The following CNTNAP5 variants were observed in gnomAD, a reference collection of about 807,000 sequenced individuals.
CNTNAP5 encodes contactin associated protein family member 5.
Under a neutral mutation model 150.2 loss-of-function variants are expected in CNTNAP5, and 72 were observed. That is an observed-to-expected ratio of 0.48 (90% CI 0.40 to 0.58). The LOEUF (loss-of-function observed/expected upper bound fraction) is 0.58, where lower values mean the gene tolerates loss of function less well. Among genes scored for constraint, CNTNAP5 ranks in the 20% least tolerant of loss-of-function variants. The pLI is 0.00. For synonymous variants in CNTNAP5, 672 were observed against 619.8 expected (o/e 1.08, Z -1.25); for missense variants, 1,636 against 1,626.2 (o/e 1.01, Z -0.10).
intron 3 of CNTNAP5, among the ~76,000 whole-genome samples, chr2:124,388,724 C>T (rs780004): frequency 0.83 from 126,032 of 151,976 alleles, 52,751 homozygotes; most frequent in East Asian, 0.9. Flanking sequence ...AGATGGAGTC[C>T]TGCTCTGTCG....
intron 3 of CNTNAP5, among the ~76,000 whole-genome samples, chr2:124,359,425 T>C (rs1182619932): frequency 2.0e-5 from 3 of 152,180 alleles, no homozygotes; most frequent in Non-Finnish European, 4.4e-5. Flanking sequence ...CTTTCCTGCT[T>C]TCTCTTGTGG....
intron 1 of CNTNAP5, among the ~76,000 whole-genome samples, chr2:124,197,159 A>C (rs1198640665): frequency 2.0e-5 from 3 of 152,218 alleles, no homozygotes; most frequent in Non-Finnish European, 4.4e-5. Context: ...ATACATATCT[A>C]TATGCCTATG....
chr2:124,220,778 A>T (rs767653403), intron 1 of CNTNAP5, among the ~76,000 whole-genome samples: 2 of 152,220 alleles, frequency 1.3e-5, no homozygotes, highest in South Asian at 4.1e-4. Context: ...TAAGCCAGTG[A>T]GGGTGGAGCC....
At position 124,416,670 on chromosome 2, in the gene CNTNAP5, C is replaced by A. The variant is rs569558251; in HGVS notation, c.382-773C>A. The stretch of plus-strand genomic sequence containing the variant: ...TTCCTTCCCTTTTTCTCTTTCTAGG[C>A]TTCTTTTTTTAAAAAATCTGTAAAA... On this transcript the variant is annotated intron_variant, in intron 3 of 23. Coordinates refer to ENST00000682447, the MANE Select transcript of CNTNAP5 (RefSeq NM_001367498.1). 2.0e-4 allele frequency among the ~76,000 whole-genome samples: 30 copies of A among 152,024 alleles called. 1 individual carries two copies. In the South Asian group the frequency reaches 6.2e-3, roughly 32 times the overall value.
At chr2:124,326,066 A>G (rs1689208742) in intron 3 of CNTNAP5, among the ~76,000 whole-genome samples, 2 of 152,234 alleles carry the variant, frequency 1.3e-5, no homozygotes, top group African/African-American at 4.8e-5. Context: ...AGTAATACAT[A>G]GGATTAAATG....
intron 1 of CNTNAP5, among the ~76,000 whole-genome samples, chr2:124,032,113 C>A (rs1195157229): frequency 1.3e-5 from 2 of 152,048 alleles, no homozygotes; most frequent in Non-Finnish European, 2.9e-5. Flanking sequence ...GAAAAATAAA[C>A]CTTTAGTCAT....
intron 2 of CNTNAP5, among the ~76,000 whole-genome samples, chr2:124,230,272 G>A (rs1034099604): frequency 6.6e-6 from 1 of 152,104 alleles, no homozygotes; most frequent in African/African-American, 2.4e-5. Flanking sequence ...GAGGAGATGA[G>A]GGTTGGAAGC....
At chr2:124,427,007 A>C (rs1692253896) in intron 4 of CNTNAP5, among the ~76,000 whole-genome samples, 1 of 152,226 alleles carries the variant, frequency 6.6e-6, no homozygotes, top group African/African-American at 2.4e-5. Flanking sequence ...CCAATGTATC[A>C]GCATCTTAAC....
In CNTNAP5 at chr2:124,088,463, T is replaced by C. The variant is rs1370658339; in HGVS notation, c.82+62731T>C. ...ATGTATGCATTTATTGTTTTTGTCA[T>C]ACTATTTAAGATCTTAGGTTCTTAA... On this transcript the variant is annotated intron_variant, in intron 1 of 23. Coordinates refer to ENST00000682447, the MANE Select transcript of CNTNAP5 (RefSeq NM_001367498.1). Among the ~76,000 whole-genome samples the C allele has an allele frequency of 2.0e-5, 3 of 152,208 alleles. 1 individual carries two copies. Among genetic ancestry groups the C allele is most frequent in the Non-Finnish European group, 4.4e-5 (3 of 68,030 alleles).
chr2:124,634,491 C>CGTGT (rs370767526), intron 12 of CNTNAP5, among the ~76,000 whole-genome samples: 4 of 151,238 alleles, frequency 2.6e-5, no homozygotes, highest in East Asian at 2.0e-4. Flanking sequence ...CAGGCACACA[C>CGTGT]GTGTGTGTGT....
At chr2:124,209,657 T>C (rs1421257522) in intron 1 of CNTNAP5, among the ~76,000 whole-genome samples, 1 of 152,138 alleles carries the variant, frequency 6.6e-6, no homozygotes, top group Non-Finnish European at 1.5e-5. Flanking sequence ...AGCAATTCTC[T>C]GTGGTCATCA....
chr2:124,313,051 T>C (rs1048089801), intron 3 of CNTNAP5, among the ~76,000 whole-genome samples: 2 of 152,190 alleles, frequency 1.3e-5, no homozygotes, highest in African/African-American at 2.4e-5. Context: ...AGGATTCAGC[T>C]CTGGGCTCTG....
At chr2:124,317,266 A>G (rs1027116764) in intron 3 of CNTNAP5, among the ~76,000 whole-genome samples, 1 of 152,204 alleles carries the variant, frequency 6.6e-6, no homozygotes, top group African/African-American at 2.4e-5. Flanking sequence ...TAACAGTAAT[A>G]ATTTTCAAAC....
At chr2:124,480,408 T>C (rs1693736637) in intron 7 of CNTNAP5, among the ~76,000 whole-genome samples, 1 of 152,196 alleles carries the variant, frequency 6.6e-6, no homozygotes. Context: ...TATTGGAGCA[T>C]GGTTGATTAT....
At chr2:124,645,820 A>G (rs1371098858) in intron 12 of CNTNAP5, among the ~76,000 whole-genome samples, 1 of 152,182 alleles carries the variant, frequency 6.6e-6, no homozygotes, top group Non-Finnish European at 1.5e-5. Flanking sequence ...GGCATCTATC[A>G]TCAGCTTCTG....
At chr2:124,536,673 G>A (rs906090329) in intron 10 of CNTNAP5, among the ~76,000 whole-genome samples, 33 of 152,172 alleles carry the variant, frequency 2.2e-4, no homozygotes, top group African/African-American at 8.0e-4. Context: ...GCCAGAGAAA[G>A]AGGAGACATG....
intron 21 of CNTNAP5, among the ~76,000 whole-genome samples, chr2:124,900,260 T>C (rs1678388415): frequency 6.6e-6 from 1 of 151,628 alleles, no homozygotes; most frequent in Non-Finnish European, 1.5e-5. Context: ...TTTAAAAGTA[T>C]TGTTTTTATC....
chr2:124,560,532 A>AC, intron 10 of CNTNAP5, among the ~76,000 whole-genome samples: 1 of 152,002 alleles, frequency 6.6e-6, no homozygotes, highest in Admixed American at 6.6e-5. Context: ...AAAAAAAAAA[A>AC]AAAACTAAAG....
At chr2:124,085,517 T>C (rs1682667083) in intron 1 of CNTNAP5, among the ~76,000 whole-genome samples, 1 of 152,214 alleles carries the variant, frequency 6.6e-6, no homozygotes, top group Non-Finnish European at 1.5e-5. Context: ...TTTGTTATTT[T>C]TTAATTTCAT....
Sources: allele counts gnomAD v4.1 joint callset (sites outside exome capture counted in the v4.1 genomes callset), GRCh38; gene constraint gnomAD v4.1.1; transcripts MANE v1.5; gene names NCBI Gene and HGNC (gene_info 2026-07-23, HGNC 2026-07-21).